Variants in ZDHHC2 observed in about 807,000 individuals in gnomAD.
ZDHHC2 encodes the protein zDHHC palmitoyltransferase 2.
ZDHHC2 carries 51 observed loss-of-function variants against 55.6 expected under a neutral mutation model. That is an observed-to-expected ratio of 0.92 (90% confidence interval 0.73 to 1.16). The LOEUF is 1.16. ZDHHC2 is among the 50% of genes most tolerant of loss of function. The probability of loss-of-function intolerance (pLI) is 0.00; values close to 1 mark genes in which losing one functional copy is unlikely to be tolerated. For missense variants in ZDHHC2, 491 were observed against 442.4 expected, an observed-to-expected ratio of 1.11 and a Z score of -0.99; for synonymous variants, 199 against 152.9, an observed-to-expected ratio of 1.30 and a Z score of -2.22.
At chr8:17,190,129 T>A (rs1325444486) in intron 3 of ZDHHC2, among the ~76,000 whole-genome samples, 1 of 152,062 alleles carries the variant, frequency 6.6e-6, no homozygotes, top group Non-Finnish European at 1.5e-5. Context: ...GTTTTGTATA[T>A]GAGGTACATA....
intron 1 of ZDHHC2, among the ~76,000 whole-genome samples, chr8:17,161,262 G>A (rs754422111): frequency 1.3e-5 from 2 of 152,056 alleles, no homozygotes; most frequent in African/African-American, 4.8e-5. Flanking sequence ...AAGAAGAAAT[G>A]TTTTCTTGTT....
At chr8:17,215,144 A>C (rs1318619875) in intron 10 of ZDHHC2, 93 bp from the exon 11 acceptor site, 5 of 1,053,846 alleles carry the variant, frequency 4.7e-6, no homozygotes, top group Admixed American at 2.4e-5. Flanking sequence ...CTTGCATTGC[A>C]AGTGGTTTTG....
At chr8:17,167,509 T>C (rs183814121) in intron 1 of ZDHHC2, among the ~76,000 whole-genome samples, 191 of 152,216 alleles carry the variant, frequency 1.3e-3, no homozygotes, top group Non-Finnish European at 2.0e-3. Flanking sequence ...TTCCGCATGT[T>C]GGCCAGGCTG....
intron 12 of ZDHHC2, among the ~76,000 whole-genome samples, chr8:17,218,616 T>C (rs1202380560): frequency 6.6e-6 from 1 of 152,178 alleles, no homozygotes; most frequent in Non-Finnish European, 1.5e-5. Context: ...CAACATTTGA[T>C]GGATAAGTGA....
At position 17,156,719 on chromosome 8, in the gene ZDHHC2, G is replaced by T; in HGVS notation, c.-5G>T. 6.8e-7 allele frequency: 1 copy of T among 1,469,070 alleles called. No homozygotes were observed. 91.0% of individuals were successfully genotyped at this position (1,469,070 alleles called of 1,614,324 possible). On this transcript the variant is annotated 5_prime_UTR_variant, in exon 1 of 13. Coordinates refer to ENST00000262096, the MANE Select transcript of ZDHHC2 (RefSeq NM_016353.5). The stretch of plus-strand genomic sequence containing the variant: ...CGGAGCTGGGCAGGTGGATGCGGCT[G>T]GAAGATGGCGCCCTCGGGCCCGGGC...
In ZDHHC2 at chr8:17,201,481, C is replaced by CTT. The variant is rs1171396792; in HGVS notation, c.476+3097_476+3098dup. Among the ~76,000 whole-genome samples, 60 of 24,328 alleles carry CTT rather than the reference C, an allele frequency of 2.5e-3. 3 individuals carry two copies. Among genetic ancestry groups the CTT allele is most frequent in the African/African-American group, 6.1e-3 (54 of 8,888 alleles). 16.0% of individuals were successfully genotyped at this position (24,328 alleles called of 152,430 possible). The stretch of plus-strand genomic sequence containing the variant: ...GGGGCAGCCTTTTCTCTCTCTCTCT[C>CTT]TTTTTTTTTTTTTTTTTTTTTTTTT... On this transcript the variant is annotated intron_variant, in intron 6 of 12. Coordinates refer to ENST00000262096, the MANE Select transcript of ZDHHC2 (RefSeq NM_016353.5).
chr8:17,161,405 C>T (rs1804336598), intron 1 of ZDHHC2, among the ~76,000 whole-genome samples: 1 of 152,172 alleles, frequency 6.6e-6, no homozygotes, highest in Non-Finnish European at 1.5e-5. Context: ...CTTGGGAATA[C>T]AGATGTTCTA....
chr8:17,160,264 A>C (rs985997154), intron 1 of ZDHHC2, among the ~76,000 whole-genome samples: 2 of 152,204 alleles, frequency 1.3e-5, no homozygotes, highest in Non-Finnish European at 2.9e-5. Context: ...ACTTCCACAT[A>C]CACTTGTGTA....
intron 2 of ZDHHC2, among the ~76,000 whole-genome samples, chr8:17,185,607 G>A (rs556450116): frequency 6.6e-6 from 1 of 152,190 alleles, no homozygotes; most frequent in East Asian, 1.9e-4. Context: ...GGGGGCGGAG[G>A]TGGCAGTGAG....
rs1314948448 is a variant in ZDHHC2 at position 17,222,567 on chromosome 8, G to C, written c.*2346G>C. On this transcript the variant is annotated 3_prime_UTR_variant, in exon 13 of 13. Transcript: ENST00000262096. ...TTTAAGAAATTTTGCATTAAAAATA[G>C]TGTACCAATGCTTCATATACGTTAG... is the stretch of plus-strand genomic sequence containing the variant. The C allele has an allele frequency of 4.0e-5, 6 of 151,780 alleles. No homozygotes were observed. Among genetic ancestry groups the C allele is most frequent in the East Asian group, 3.8e-4 (2 of 5,196 alleles). 9.4% of individuals were successfully genotyped at this position (151,780 alleles called of 1,614,324 possible). A position where few individuals can be genotyped will look rare whatever the true frequency, so the allele number is the denominator to read the frequency against.
chr8:17,207,607 C>G (rs371186425), intron 7 of ZDHHC2, among the ~76,000 whole-genome samples: 56 of 152,156 alleles, frequency 3.7e-4, no homozygotes, highest in African/African-American at 1.3e-3. Context: ...AGTATGTTAA[C>G]AAAACATACT....
intron 8 of ZDHHC2, among the ~76,000 whole-genome samples, chr8:17,208,846 C>T (rs1253038008): frequency 6.6e-6 from 1 of 151,942 alleles, no homozygotes; most frequent in African/African-American, 2.4e-5. Context: ...TTCTGGAAAC[C>T]TCTAGATTTA....
At chr8:17,169,855 T>G (rs1032211848) in intron 1 of ZDHHC2, among the ~76,000 whole-genome samples, 2 of 152,128 alleles carry the variant, frequency 1.3e-5, no homozygotes, top group Admixed American at 1.3e-4. Context: ...ATTCCTTGCA[T>G]AATTTTTTTT....
At position 17,193,496 on chromosome 8, in the gene ZDHHC2, T is replaced by A. The variant is rs191134272; in HGVS notation, c.253-2008T>A. 3.2e-4 allele frequency among the ~76,000 whole-genome samples: 49 copies of A among 152,340 alleles called. 1 individual carries two copies. The highest frequency in any genetic ancestry group is 2.1e-3 in the Admixed American group (32 of 15,304). Reference sequence around the variant, plus strand: ...TGCTCAGTCAGACCCGAAGTCAGGATAGCATTGGGTCTCGCCCAAGGCCCA... The same window carrying A: ...TGCTCAGTCAGACCCGAAGTCAGGAAAGCATTGGGTCTCGCCCAAGGCCCA... On this transcript the variant is annotated intron_variant, in intron 3 of 12. Transcript: ENST00000262096.
In ZDHHC2 at chr8:17,222,024, T is replaced by C. The variant is rs1442697869; in HGVS notation, c.*1803T>C. ...TTTCAAAGCACAGTACTGTTAGCTG[T>C]TTTTGTGGACAGGATTCGATTAAGT... On this transcript the variant is annotated 3_prime_UTR_variant, in exon 13 of 13. Coordinates refer to ENST00000262096, the MANE Select transcript of ZDHHC2 (RefSeq NM_016353.5). 2.0e-5 allele frequency: 3 copies of C among 149,738 alleles called. No homozygotes were observed. The highest frequency in any genetic ancestry group is 2.4e-5 in the African/African-American group (1 of 40,928). The allele number at this position is 149,738 out of a possible 1,614,324, so 9.3% of individuals were successfully genotyped here.
At chr8:17,190,128 A>G (rs1805943244) in intron 3 of ZDHHC2, among the ~76,000 whole-genome samples, 1 of 152,100 alleles carries the variant, frequency 6.6e-6, no homozygotes. Flanking sequence ...AGTTTTGTAT[A>G]TGAGGTACAT....
intron 1 of ZDHHC2, among the ~76,000 whole-genome samples, chr8:17,165,201 G>T (rs1443733163): frequency 2.0e-5 from 3 of 152,196 alleles, no homozygotes; most frequent in Admixed American, 6.5e-5. Context: ...AAAGTCATAA[G>T]CTTGCTCCAA....
chr8:17,199,964 C>T (rs1238936227), intron 6 of ZDHHC2, among the ~76,000 whole-genome samples: 1 of 152,052 alleles, frequency 6.6e-6, no homozygotes, highest in Non-Finnish European at 1.5e-5. Context: ...ACCATATTGG[C>T]CAGGCTGGTC....
At position 17,174,932 on chromosome 8, in the gene ZDHHC2, G is replaced by A. The variant is rs373318561; in HGVS notation, c.131-9857G>A. On this transcript the variant is annotated intron_variant, in intron 1 of 12. Coordinates refer to ENST00000262096, the MANE Select transcript of ZDHHC2 (RefSeq NM_016353.5). ...AGTAGAGACAGAGTTTTACCATGTT[G>A]CCAAGGCTGGTCTCAAACTCCTGGG... 1.6e-4 allele frequency among the ~76,000 whole-genome samples: 25 copies of A among 151,996 alleles called. No individual in the cohort carries two copies. In the East Asian group the frequency reaches 1.7e-3, roughly 11 times the overall value.
Sources: gnomAD v4.1 joint callset for allele counts (sites outside exome capture counted in the v4.1 genomes callset) on GRCh38, gnomAD v4.1.1 for gene constraint, MANE v1.5 for transcripts, NCBI Gene and HGNC (gene_info 2026-07-23, HGNC 2026-07-21) for gene names.